Variants in OSER1 observed in about 807,000 individuals in gnomAD.
The protein encoded by OSER1 is oxidative stress responsive serine rich 1, also known as oxidative stress-responsive serine-rich protein 1.
A neutral mutation model predicts 26.3 loss-of-function variants in OSER1; 15 were observed. The ratio of observed to expected loss-of-function variants is 0.57; its 90% confidence interval spans 0.38 to 0.88. The LOEUF is 0.88. Ranked by LOEUF, OSER1 falls within the 40% of genes least tolerant of loss-of-function variation. The probability of loss-of-function intolerance (pLI) is 0.00; values close to 1 mark genes in which losing one functional copy is unlikely to be tolerated. For missense variants in OSER1, 313 were observed against 353.9 expected (o/e 0.88, Z 0.93); for synonymous variants, 127 against 128.2 (o/e 0.99, Z 0.07).
chr20:44,202,929 G>A (rs750099437), intron 3 of OSER1, 32 bp downstream of exon 3: 9 of 1,200,350 alleles, frequency 7.5e-6, no homozygotes, highest in Middle Eastern at 1.9e-4. Flanking sequence ...TATAATATTG[G>A]AATAAAAATC....
At chr20:44,198,602 G>C (rs1302552281) in intron 3 of OSER1, among the ~76,000 whole-genome samples, 1 of 151,728 alleles carries the variant, frequency 6.6e-6, no homozygotes, top group Non-Finnish European at 1.5e-5. Context: ...CTGGGCAACA[G>C]AGCGAGACTC....
Position 44,197,411 on chromosome 20 carries a change from G to C in OSER1, c.520C>G (p.Gln174Glu), listed in dbSNP as rs1366939843. 1 of 1,614,156 alleles carries C rather than the reference G, an allele frequency of 6.2e-7. No homozygotes were observed. The highest frequency in any genetic ancestry group is 1.1e-5 in the South Asian group (1 of 91,084). The part of the protein sequence containing the change: ...EDSSDATQVP[Q>E]ASLKASDLSD... Reference sequence around the variant, plus strand: ...AGATCACTGGCTTTGAGACTTGCTTGGGGGACTTGGGTAGCGTCAGAGGAG... The same window carrying C: ...AGATCACTGGCTTTGAGACTTGCTTCGGGGACTTGGGTAGCGTCAGAGGAG... The change falls in exon 4 of 4, where the codon CAA (glutamine) becomes GAA (glutamate). Residue 174 changes from glutamine to glutamate, a missense_variant. By Grantham distance (29) the Gln-to-Glu change is conservative (BLOSUM62 2). Transcript: ENST00000255174.
At chr20:44,203,425 A>C (rs368110970) in intron 2 of OSER1, among the ~76,000 whole-genome samples, 1 of 152,236 alleles carries the variant, frequency 6.6e-6, no homozygotes, top group Non-Finnish European at 1.5e-5. Flanking sequence ...TCATGGAACT[A>C]AACTTAGTTT....
At chr20:44,207,524 T>C (rs959772469) in intron 1 of OSER1, 8 of 152,310 alleles carry the variant, frequency 5.3e-5, no homozygotes, top group Non-Finnish European at 1.2e-4. Flanking sequence ...ACGTTACCAC[T>C]GTGAAAGCAG....
intron 3 of OSER1, among the ~76,000 whole-genome samples, chr20:44,200,829 A>G (rs990435822): frequency 3.3e-5 from 5 of 152,238 alleles, no homozygotes; most frequent in African/African-American, 1.2e-4. Flanking sequence ...GAGACTAGAA[A>G]GATTATTTCC....
At chr20:44,204,687 C>T (rs1193888996) in intron 2 of OSER1, among the ~76,000 whole-genome samples, 2 of 152,128 alleles carry the variant, frequency 1.3e-5, no homozygotes, top group Non-Finnish European at 2.9e-5. Context: ...TCTATTGTTC[C>T]CATGTCCACG....
intron 3 of OSER1, among the ~76,000 whole-genome samples, chr20:44,200,849 A>G (rs914212856): frequency 6.6e-6 from 1 of 152,258 alleles, no homozygotes; most frequent in African/African-American, 2.4e-5. Flanking sequence ...CAAATTAATA[A>G]CAATTGGATT....
intron 1 of OSER1, among the ~76,000 whole-genome samples, chr20:44,208,006 A>C (rs952683346): frequency 6.6e-6 from 1 of 152,214 alleles, no homozygotes; most frequent in Non-Finnish European, 1.5e-5. Context: ...ATCTATGAAC[A>C]TATCAGAGAG....
intron 2 of OSER1, among the ~76,000 whole-genome samples, chr20:44,203,694 T>TCACA (rs139060435): frequency 0.078 from 11,367 of 145,324 alleles, 522 homozygotes; most frequent in Non-Finnish European, 0.1. Context: ...CAGACTTTTT[T>TCACA]CACACACACA....
rs930865331 is a variant in OSER1, at chr20:44,197,283, G to A, written c.648C>T (p.Ser216=). The A allele has an allele frequency of 6.2e-7, 1 of 1,613,974 alleles. No homozygotes were observed. Among genetic ancestry groups the A allele is most frequent in the African/African-American group, 1.3e-5 (1 of 74,934 alleles). The change falls in exon 4 of 4, where the codon TCC becomes TCT. Residue 216 remains serine, a synonymous_variant. Transcript: ENST00000255174. ...GAGGGACACTCTGCAGGCCTGAAAAGGAATACACTTCCATATCATGCCATC... is the reference window on the plus strand; with the variant it reads ...GAGGGACACTCTGCAGGCCTGAAAAAGAATACACTTCCATATCATGCCATC... ...CKRWHDMEVY[S]FSGLQSVPPL... is the part of the protein sequence containing the mutation.
intron 1 of OSER1, chr20:44,210,014 C>T (rs2073082215): frequency 6.6e-6 from 1 of 152,394 alleles, no homozygotes; most frequent in Non-Finnish European, 1.5e-5. Flanking sequence ...ATTCACACCT[C>T]TCCGTGCAAC....
intron 3 of OSER1, among the ~76,000 whole-genome samples, chr20:44,202,310 G>C (rs2072991534): frequency 6.6e-6 from 1 of 152,106 alleles, no homozygotes; most frequent in Non-Finnish European, 1.5e-5. Context: ...GGGAGGCGGA[G>C]GGTGCAGTGA....
intron 1 of OSER1, among the ~76,000 whole-genome samples, chr20:44,208,600 C>T (rs1200108125): frequency 1.3e-5 from 2 of 152,106 alleles, no homozygotes; most frequent in African/African-American, 4.8e-5. Flanking sequence ...GGGTAGGATC[C>T]CCCAAATACA....
At chr20:44,205,463 A>G (rs1046814169) in intron 2 of OSER1, among the ~76,000 whole-genome samples, 16 of 152,226 alleles carry the variant, frequency 1.1e-4, no homozygotes, top group African/African-American at 3.4e-4. Flanking sequence ...AGCAAATATG[A>G]GCACCTATAA....
rs563488178 is a variant in OSER1 at position 44,208,128 on chromosome 20, C to G, written c.-41-1130G>C. ...TACCCGCCCCCCCCCGCCCCCACCC[C>G]TCTTGGGCATTCTCAGAGGGAGCAG... On this transcript the variant is annotated intron_variant, in intron 1 of 3. Coordinates refer to ENST00000255174, the MANE Select transcript of OSER1 (RefSeq NM_016470.8). Among the ~76,000 whole-genome samples, 700 of 147,694 alleles carry G rather than the reference C, an allele frequency of 4.7e-3. 2 individuals are homozygous for G. Among genetic ancestry groups the G allele is most frequent in the Non-Finnish European group, 7.9e-3 (529 of 66,876 alleles).
intron 3 of OSER1, among the ~76,000 whole-genome samples, chr20:44,200,306 C>T (rs1307761954): frequency 6.6e-6 from 1 of 152,188 alleles, no homozygotes; most frequent in Non-Finnish European, 1.5e-5. Context: ...CTACCTGCTA[C>T]CCACCCATTC....
chr20:44,211,788 A>G (rs989937294), upstream of OSER1, among the ~76,000 whole-genome samples: 1 of 152,162 alleles, frequency 6.6e-6, no homozygotes, highest in Non-Finnish European at 1.5e-5. Context: ...TCGCCTGCCA[A>G]TCTCCAGCTC....
Position 44,210,347 on chromosome 20 carries a change from G to C in OSER1, c.-42+349C>G, listed in dbSNP as rs539999059. Among the ~76,000 whole-genome samples, 131 of 152,328 alleles carry C rather than the reference G, an allele frequency of 8.6e-4. 1 individual carries two copies. Among genetic ancestry groups the C allele is most frequent in the African/African-American group, 3.0e-3 (124 of 41,588 alleles). On this transcript the variant is annotated intron_variant, in intron 1 of 3. Coordinates refer to ENST00000255174, the MANE Select transcript of OSER1 (RefSeq NM_016470.8). ...CCGAAGAGGTAGCCAAAGAGAATGGGGCTCCGAGGCGAGAGAGAAAGGACT... is the reference window on the plus strand; with the variant it reads ...CCGAAGAGGTAGCCAAAGAGAATGGCGCTCCGAGGCGAGAGAGAAAGGACT...
intron 2 of OSER1, among the ~76,000 whole-genome samples, chr20:44,204,888 A>C (rs994564886): frequency 6.6e-6 from 1 of 151,344 alleles, no homozygotes; most frequent in African/African-American, 2.4e-5. Context: ...CGCAGGCCGG[A>C]GTGCAGTGGC....
Sources: gnomAD v4.1 joint callset for allele counts (sites outside exome capture counted in the v4.1 genomes callset) on GRCh38, gnomAD v4.1.1 for gene constraint, MANE v1.5 for transcripts, NCBI Gene and HGNC (gene_info 2026-07-23, HGNC 2026-07-21) for gene names.